Variants in CFHR4 observed in about 807,000 individuals in gnomAD.
CFHR4 encodes complement factor H-related protein 4.
In CFHR4, 64 loss-of-function variants were observed where a neutral mutation model predicts 69.3. The observed-to-expected ratio is 0.92, with a 90% CI of 0.76 to 1.14. CFHR4 has a LOEUF of 1.14. CFHR4 is among the 50% of genes most tolerant of loss of function. The pLI, the probability that CFHR4 is intolerant of heterozygous loss-of-function variation, is 0.00. For missense variants in CFHR4, 636 were observed against 684.9 expected, an observed-to-expected ratio of 0.93 and a Z score of 0.80; for synonymous variants, 244 against 237.0, an observed-to-expected ratio of 1.03 and a Z score of -0.27.
At chr1:196,890,454 A>T (rs1175888230) in intron 1 of CFHR4, among the ~76,000 whole-genome samples, 1 of 151,648 alleles carries the variant, frequency 6.6e-6, no homozygotes, top group African/African-American at 2.4e-5. Flanking sequence ...ACCTATTATA[A>T]TGTTCATTGA....
chr1:196,898,152 T>C (rs1299813086), intron 1 of CFHR4, among the ~76,000 whole-genome samples: 4 of 151,350 alleles, frequency 2.6e-5, no homozygotes, highest in African/African-American at 4.9e-5. Flanking sequence ...GTAATCCTCC[T>C]TATATTCAAA....
chr1:196,909,109 A>G (rs1488935931), intron 5 of CFHR4, among the ~76,000 whole-genome samples: 5 of 151,560 alleles, frequency 3.3e-5, no homozygotes, highest in African/African-American at 1.2e-4. Context: ...AAAATTTAGT[A>G]TTAGGTTTCA....
chr1:196,912,842 G>A lies in CFHR4; in HGVS notation c.1100G>A (p.Gly367Glu), dbSNP rs779607652. ...GAAATACAATATAAATGTAAACCAG[G>A]ATATGCAACAGCAGATGGAAATTCT... ...NKEIQYKCKP[G>E]YATADGNSSG... The change falls in exon 7 of 10, where the codon GGA becomes GAA. Residue 367 changes from glycine to glutamate, a missense_variant. Gly to Glu is a moderately conservative substitution (Grantham distance 98, BLOSUM62 -2). This residue lies in a region of CFHR4 where 529 missense variants were observed against 533.2 expected (regional missense o/e 0.99). Transcript: ENST00000608469. 2 of 1,610,714 alleles carry A rather than the reference G, an allele frequency of 1.2e-6. No individual in the cohort carries two copies. The highest frequency in any genetic ancestry group is 2.2e-5 in the East Asian group (1 of 44,688).
intron 1 of CFHR4, 107 bp from the exon 2 acceptor site, chr1:196,902,311 A>G: frequency 1.2e-6 from 1 of 807,790 alleles, no homozygotes; most frequent in East Asian, 2.7e-5. Context: ...AAAACCCCTA[A>G]TTCATTACAC....
At chr1:196,899,152 A>AG (rs35966884) in intron 1 of CFHR4, among the ~76,000 whole-genome samples, 53,063 of 151,264 alleles carry the variant, frequency 0.35, 11,132 homozygotes, top group Non-Finnish European at 0.46. Flanking sequence ...TCACGTCAAT[A>AG]GGGTGTTTTA....
intron 1 of CFHR4, among the ~76,000 whole-genome samples, chr1:196,890,118 C>T (rs6428372): frequency 1.3e-5 from 2 of 151,172 alleles, no homozygotes; most frequent in Non-Finnish European, 2.9e-5. Context: ...TTACTCTTTA[C>T]TCATGGATAC....
In CFHR4 at chr1:196,918,374, G is replaced by A. The variant is rs2124983324; in HGVS notation, c.1705G>A (p.Glu569Lys). Reference protein sequence around the residue: ...SVLSFQAVCREGIVEYPRCE With the variant: ...SVLSFQAVCRKGIVEYPRCE Reference sequence around the variant, plus strand: ...TCTATCATTTCAAGCAGTGTGTAGGGAAGGCATAGTGGAATACCCCAGATG... The same window carrying A: ...TCTATCATTTCAAGCAGTGTGTAGGAAAGGCATAGTGGAATACCCCAGATG... Residue 569 changes from glutamate (E) to lysine (K), a missense_variant, in exon 10 of 10, where the codon GAA becomes AAA. Coordinates refer to ENST00000608469, the MANE Select transcript of CFHR4 (RefSeq NM_001201550.3). 6.2e-7 allele frequency: 1 copy of A among 1,612,266 alleles called. No homozygotes were observed. The highest frequency in any genetic ancestry group is 1.7e-5 in the Admixed American group (1 of 59,896).
intron 1 of CFHR4, among the ~76,000 whole-genome samples, chr1:196,889,093 T>C (rs1387849699): frequency 1.3e-5 from 2 of 151,490 alleles, no homozygotes; most frequent in Non-Finnish European, 2.9e-5. Context: ...TCCAAAACTT[T>C]ATAATATTCC....
At position 196,918,481 on chromosome 1, in the gene CFHR4, C is replaced by T; in HGVS notation, c.*75C>T. On this transcript the variant is annotated 3_prime_UTR_variant, in exon 10 of 10. Transcript: ENST00000608469. ...ATGGTCTCAAAGCTTGCAAAGATAG[C>T]TTCTGATATTGTTGTAATTTCTACT... 4.4e-6 allele frequency: 6 copies of T among 1,374,840 alleles called. No homozygotes were observed. The highest frequency in any genetic ancestry group is 1.7e-5 in the Admixed American group (1 of 58,472). 85.2% of individuals were successfully genotyped at this position (1,374,840 alleles called of 1,614,324 possible).
At chr1:196,898,271 T>C (rs1657415676) in intron 1 of CFHR4, among the ~76,000 whole-genome samples, 1 of 151,568 alleles carries the variant, frequency 6.6e-6, no homozygotes, top group African/African-American at 2.4e-5. Flanking sequence ...GCAAATGCAC[T>C]AGTAGTGGGT....
intron 3 of CFHR4, among the ~76,000 whole-genome samples, chr1:196,906,044 A>G (rs983771096): frequency 5.9e-5 from 9 of 151,526 alleles, no homozygotes; most frequent in African/African-American, 2.2e-4. Flanking sequence ...TAAATCATTT[A>G]ATGTATTTTT....
intron 2 of CFHR4, among the ~76,000 whole-genome samples, chr1:196,904,764 A>C (rs536270638): frequency 1.3e-5 from 2 of 151,586 alleles, no homozygotes; most frequent in Non-Finnish European, 2.9e-5. Flanking sequence ...ATGAAGTCTA[A>C]GACCTCTTAA....
intron 2 of CFHR4, among the ~76,000 whole-genome samples, chr1:196,903,404 G>A (rs1212484028): frequency 6.6e-6 from 1 of 151,072 alleles, no homozygotes; most frequent in Non-Finnish European, 1.5e-5. Context: ...TGTAATCCCA[G>A]GACTGTGGGA....
Position 196,894,040 on chromosome 1 carries a change from T to C in CFHR4, c.58+5832T>C, listed in dbSNP as rs555159138. On this transcript the variant is annotated intron_variant, in intron 1 of 9. Transcript: ENST00000608469. Reference sequence around the variant, plus strand: ...CCGAAGCTGAATATTAACTCTCATTTACACCTATTATATATTACAACACTC... The same window carrying C: ...CCGAAGCTGAATATTAACTCTCATTCACACCTATTATATATTACAACACTC... Among the ~76,000 whole-genome samples, 50 of 151,652 alleles carry C rather than the reference T, an allele frequency of 3.3e-4. 1 individual carries two copies. The highest frequency in any genetic ancestry group is 1.1e-3 in the African/African-American group (47 of 41,194).
At chr1:196,888,610 T>G (rs1453436914) in intron 1 of CFHR4, among the ~76,000 whole-genome samples, 1 of 151,216 alleles carries the variant, frequency 6.6e-6, no homozygotes, top group Non-Finnish European at 1.5e-5. Flanking sequence ...CATACAGTGA[T>G]TTTTTATTGA....
At chr1:196,915,312 C>T (rs1488489767) in intron 9 of CFHR4, among the ~76,000 whole-genome samples, 174 bp downstream of exon 9, 2 of 151,100 alleles carry the variant, frequency 1.3e-5, no homozygotes, top group East Asian at 3.9e-4. Context: ...TTGGAAAATT[C>T]CATGTAAACA....
At chr1:196,889,910 A>G (rs1030131859) in intron 1 of CFHR4, among the ~76,000 whole-genome samples, 3 of 151,464 alleles carry the variant, frequency 2.0e-5, no homozygotes, top group East Asian at 1.9e-4. Flanking sequence ...TAGAGAGAAT[A>G]CAACCATTTA....
chr1:196,897,382 C>T (rs1192072091), intron 1 of CFHR4, among the ~76,000 whole-genome samples: 6 of 151,524 alleles, frequency 4.0e-5, no homozygotes, highest in Non-Finnish European at 8.8e-5. Context: ...TGTCTGCAGA[C>T]GGCTTGTGTG....
intron 1 of CFHR4, among the ~76,000 whole-genome samples, chr1:196,896,394 T>C (rs541115821): frequency 2.0e-5 from 3 of 151,704 alleles, no homozygotes; most frequent in Middle Eastern, 3.4e-3. Flanking sequence ...TATCCTAGTG[T>C]ATCTCCCCTT....
Sources: gnomAD v4.1 joint callset for allele counts (sites outside exome capture counted in the v4.1 genomes callset) on GRCh38, gnomAD v4.1.1 for gene constraint, gnomAD v4.1.1 regional missense constraint, MANE v1.5 for transcripts, NCBI Gene and HGNC (gene_info 2026-07-23, HGNC 2026-07-21) for gene names.